CCDC141: variants seen among roughly 807,000 people sequenced by gnomAD.
CCDC141 encodes coiled-coil domain containing 141.
Under a neutral mutation model 181.0 loss-of-function variants are expected in CCDC141, and 168 were observed. The ratio of observed to expected loss-of-function variants is 0.93; its 90% confidence interval spans 0.82 to 1.05. The LOEUF (loss-of-function observed/expected upper bound fraction) is 1.05, where lower values mean the gene tolerates loss of function less well. CCDC141 is among the 50% of genes least tolerant of loss of function. The probability of loss-of-function intolerance (pLI) is 0.00; values close to 1 mark genes in which losing one functional copy is unlikely to be tolerated. For missense variants in CCDC141, 1,902 were observed against 1,788.5 expected, an observed-to-expected ratio of 1.06 and a Z score of -1.14; for synonymous variants, 666 against 642.3, an observed-to-expected ratio of 1.04 and a Z score of -0.56.
chr2:178,905,375 C>A lies in CCDC141; in HGVS notation c.1219G>T (p.Ala407Ser), dbSNP rs1199523933. Residue 407 changes from alanine to serine, a missense_variant, in exon 8 of 24, where the codon GCT becomes TCT. Ala to Ser is a moderately conservative substitution (Grantham distance 99). Coordinates refer to ENST00000443758, the MANE Select transcript of CCDC141 (RefSeq NM_173648.4). ...HRKIKDCTTD[A>S]LQKGQTLISQ... ...ATTAAGGTTTGTCCCTTTTGCAAAG[C>A]ATCAGTTGTGCAGTCTTTAATTTTT... 1 of 1,550,452 alleles carries A rather than the reference C, an allele frequency of 6.4e-7. No individual in the cohort carries two copies. The highest frequency in any genetic ancestry group is 2.4e-5 in the East Asian group (1 of 40,908).
intron 5 of CCDC141, among the ~76,000 whole-genome samples, chr2:178,955,612 G>T (rs1016126325): frequency 2.6e-4 from 40 of 151,674 alleles, no homozygotes; most frequent in African/African-American, 9.7e-4. Context: ...GTATATATAG[G>T]CTAACTCAAT....
chr2:178,958,906 T>C (rs1193051283), intron 5 of CCDC141, among the ~76,000 whole-genome samples: 1 of 148,264 alleles, frequency 6.7e-6, no homozygotes, highest in Non-Finnish European at 1.5e-5. Context: ...AGAGAGAAGG[T>C]CTTTGTGTTA....
intron 2 of CCDC141, among the ~76,000 whole-genome samples, chr2:179,007,370 C>A (rs900433216): frequency 6.6e-6 from 1 of 152,180 alleles, no homozygotes; most frequent in Non-Finnish European, 1.5e-5. Context: ...CTTCTCCAAA[C>A]TGAACTTAAT....
chr2:178,978,820 A>G, intron 2 of CCDC141, 145 bp from the exon 3 acceptor site: 1 of 653,618 alleles, frequency 1.5e-6, no homozygotes, highest in East Asian at 3.1e-5. Context: ...AAGAAGGTGT[A>G]TCAAACAGGA....
At chr2:178,987,278 A>T (rs1329566522) in intron 2 of CCDC141, among the ~76,000 whole-genome samples, 1 of 152,062 alleles carries the variant, frequency 6.6e-6, no homozygotes, top group Non-Finnish European at 1.5e-5. Context: ...TAGAAAGCTG[A>T]ACCTGGATCC....
At chr2:178,965,217 A>G (rs1284213973) in intron 4 of CCDC141, among the ~76,000 whole-genome samples, 1 of 152,206 alleles carries the variant, frequency 6.6e-6, no homozygotes, top group African/African-American at 2.4e-5. Flanking sequence ...TTTCTCTTGA[A>G]CATAATTAAC....
intron 7 of CCDC141, among the ~76,000 whole-genome samples, chr2:178,915,527 G>T (rs1434271993): frequency 6.6e-6 from 1 of 152,180 alleles, no homozygotes; most frequent in Non-Finnish European, 1.5e-5. Flanking sequence ...CAACGAATTT[G>T]GAACAAGAAG....
At chr2:178,861,904 T>C (rs181420418) in intron 17 of CCDC141, among the ~76,000 whole-genome samples, 1 of 152,368 alleles carries the variant, frequency 6.6e-6, no homozygotes, top group African/African-American at 2.4e-5. Context: ...TTGTCTGCAC[T>C]ATACCATTGT....
chr2:178,935,377 T>C (rs1459045819), intron 6 of CCDC141, among the ~76,000 whole-genome samples: 1 of 152,192 alleles, frequency 6.6e-6, no homozygotes, highest in Non-Finnish European at 1.5e-5. Flanking sequence ...ATGCAGTATT[T>C]TGTTTTCTGT....
chr2:178,954,027 A>G (rs1690060393), intron 5 of CCDC141, among the ~76,000 whole-genome samples: 2 of 152,166 alleles, frequency 1.3e-5, no homozygotes, highest in Admixed American at 1.3e-4. Context: ...TATGAATTCT[A>G]TTATCCTTCC....
chr2:178,976,239 T>C (rs1691116988), intron 3 of CCDC141, among the ~76,000 whole-genome samples: 1 of 152,184 alleles, frequency 6.6e-6, no homozygotes, highest in South Asian at 2.1e-4. Flanking sequence ...CATTTTAATA[T>C]ATCCACCTTT....
At chr2:178,877,936 G>A in intron 12 of CCDC141, 28 bp downstream of exon 12, 1 of 1,579,366 alleles carries the variant, frequency 6.3e-7, no homozygotes, top group Non-Finnish European at 8.7e-7. Context: ...CCCTGCAGAA[G>A]GTGTGATCCA....
At chr2:178,850,972 G>A (rs566843886) in intron 20 of CCDC141, among the ~76,000 whole-genome samples, 89 of 152,232 alleles carry the variant, frequency 5.8e-4, no homozygotes, top group Non-Finnish European at 9.0e-4. Context: ...TTGGGAGACC[G>A]AGGTGGGCAG....
chr2:178,995,777 G>A (rs1692260771), intron 2 of CCDC141, among the ~76,000 whole-genome samples: 1 of 152,168 alleles, frequency 6.6e-6, no homozygotes, highest in African/African-American at 2.4e-5. Context: ...ATTAGCAGGA[G>A]AGTTTGACCA....
At chr2:178,973,627 A>T (rs1170084462) in intron 4 of CCDC141, among the ~76,000 whole-genome samples, 3 of 152,124 alleles carry the variant, frequency 2.0e-5, no homozygotes, top group African/African-American at 7.2e-5. Flanking sequence ...TTAAGACTAC[A>T]TTCCCCCTGC....
chr2:179,027,363 G>C (rs767701308), intron 2 of CCDC141, among the ~76,000 whole-genome samples: 1 of 152,004 alleles, frequency 6.6e-6, no homozygotes, highest in Non-Finnish European at 1.5e-5. Context: ...GAGAGTTTCC[G>C]GCCAGGCATG....
chr2:178,844,949 T>C (rs962351856), intron 22 of CCDC141, among the ~76,000 whole-genome samples: 1 of 152,214 alleles, frequency 6.6e-6, no homozygotes, highest in Non-Finnish European at 1.5e-5. Flanking sequence ...GAGCAACTTA[T>C]GCTGAAAAAC....
chr2:179,047,283 C>A lies in CCDC141; in HGVS notation c.225+1G>T. The A allele has an allele frequency of 6.6e-7, 1 of 1,524,672 alleles. No individual in the cohort carries two copies. Among genetic ancestry groups the A allele is most frequent in the Non-Finnish European group, 8.8e-7 (1 of 1,140,086 alleles). The allele number at this position is 1,524,672 out of a possible 1,614,324, so 94.4% of individuals were successfully genotyped here. A position where few individuals can be genotyped will look rare whatever the true frequency, so the allele number is the denominator to read the frequency against. ...TTCTGCTTCACATCTTAGTATCTTA[C>A]CTTGAGCTTGGCCAAAAGAAGTTCA... is the stretch of plus-strand genomic sequence containing the variant. On this transcript the variant is annotated splice_donor_variant, in intron 2 of 23. Coordinates refer to ENST00000443758, the MANE Select transcript of CCDC141 (RefSeq NM_173648.4). LOFTEE classifies it high-confidence loss of function.
At chr2:178,986,725 A>G (rs1175506045) in intron 2 of CCDC141, among the ~76,000 whole-genome samples, 4 of 151,976 alleles carry the variant, frequency 2.6e-5, no homozygotes. Context: ...CAATTGCTTC[A>G]AAGAGAATAA....
Sources: allele counts gnomAD v4.1 joint callset (sites outside exome capture counted in the v4.1 genomes callset), GRCh38; gene constraint gnomAD v4.1.1; transcripts MANE v1.5; gene names NCBI Gene and HGNC (gene_info 2026-07-23, HGNC 2026-07-21).